ANKRD50: variants seen among roughly 807,000 people sequenced by gnomAD.
The protein encoded by ANKRD50 is ankyrin repeat domain-containing protein 50.
ANKRD50 carries 40 observed loss-of-function variants against 112.0 expected under a neutral mutation model. The observed-to-expected ratio is 0.36, with a 90% CI of 0.28 to 0.46. The LOEUF (loss-of-function observed/expected upper bound fraction) is 0.46, where lower values mean the gene tolerates loss of function less well. Ranked by LOEUF, ANKRD50 falls within the 20% of genes least tolerant of loss-of-function variation. ANKRD50 has a pLI of 1.00. For missense variants in ANKRD50, 1,487 were observed against 1,701.7 expected (o/e 0.87, Z 2.22); for synonymous variants, 613 against 619.1 (o/e 0.99, Z 0.15).
intron 2 of ANKRD50, among the ~76,000 whole-genome samples, chr4:124,696,333 GGACAGAGAAAA>G (rs1180685799): frequency 1.3e-5 from 2 of 151,762 alleles, no homozygotes; most frequent in Non-Finnish European, 2.9e-5. Flanking sequence ...CCAAAATGAA[GGACAGAGAAAA>G]GACAGAGAAA....
chr4:124,691,031 G>A (rs1420114212), intron 2 of ANKRD50, among the ~76,000 whole-genome samples: 1 of 151,996 alleles, frequency 6.6e-6, no homozygotes, highest in Non-Finnish European at 1.5e-5. Flanking sequence ...AATATCAGGA[G>A]GAACAATCAA....
At chr4:124,702,971 G>T (rs77335361) in intron 2 of ANKRD50, among the ~76,000 whole-genome samples, 6,171 of 152,060 alleles carry the variant, frequency 0.041, 184 homozygotes, top group East Asian at 0.11. Flanking sequence ...ATATTGATCA[G>T]AATGATAAGG....
intron 2 of ANKRD50, among the ~76,000 whole-genome samples, chr4:124,699,477 A>G (rs1398816294): frequency 4.6e-5 from 7 of 152,142 alleles, no homozygotes; most frequent in Admixed American, 6.5e-5. Context: ...CAACATATCA[A>G]TTGAGATTGA....
At position 124,691,468 on chromosome 4, in the gene ANKRD50, C is replaced by T. The variant is rs1036443301; in HGVS notation, c.513-12563G>A. Reference sequence around the variant, plus strand: ...GATTGCGCCACTGCAGTCCGCAGTCCGGCCTGGGCGACAGAGCGAGACTCC... The same window carrying T: ...GATTGCGCCACTGCAGTCCGCAGTCTGGCCTGGGCGACAGAGCGAGACTCC... On this transcript the variant is annotated intron_variant, in intron 2 of 4. Coordinates refer to ENST00000504087, the MANE Select transcript of ANKRD50 (RefSeq NM_020337.3). 3.4e-5 allele frequency among the ~76,000 whole-genome samples: 4 copies of T among 116,026 alleles called. No homozygotes were observed. The Admixed American group carries it at 3.8e-4, about 11-fold the overall frequency. 76.1% of individuals were successfully genotyped at this position (116,026 alleles called of 152,430 possible). A position where few individuals can be genotyped will look rare whatever the true frequency, so the allele number is the denominator to read the frequency against.
chr4:124,686,624 G>A (rs1038468058), intron 2 of ANKRD50, among the ~76,000 whole-genome samples: 1 of 152,078 alleles, frequency 6.6e-6, no homozygotes, highest in Non-Finnish European at 1.5e-5. Flanking sequence ...CTACAGCAAC[G>A]GGATGGGCAG....
chr4:124,671,657 C>T lies in ANKRD50; in HGVS notation c.1620G>A (p.Gln540=), dbSNP rs375387643. 1.9e-6 allele frequency: 3 copies of T among 1,613,736 alleles called. No individual in the cohort carries two copies. Among genetic ancestry groups the T allele is most frequent in the African/African-American group, 2.7e-5 (2 of 74,884 alleles). Residue 540 remains glutamine (Q), a synonymous_variant, in exon 4 of 5, where the codon CAG becomes CAA. Coordinates refer to ENST00000504087, the MANE Select transcript of ANKRD50 (RefSeq NM_020337.3). ...TLLDNGASVN[Q]CDSNGRTLLA... ...ATAATGTTCTCCCATTTGAATCACA[C>T]TGATTTACTGAAGCTCCATTATCTA...
At chr4:124,693,627 A>C (rs1338803624) in intron 2 of ANKRD50, among the ~76,000 whole-genome samples, 1 of 152,160 alleles carries the variant, frequency 6.6e-6, no homozygotes, top group Non-Finnish European at 1.5e-5. Context: ...CCTCCAATTT[A>C]ATGGTTTTCA....
At position 124,664,626 on chromosome 4, in the gene ANKRD50, G is replaced by GA. The variant is rs1429468317; in HGVS notation, c.*2891dup. 6.6e-6 allele frequency: 1 copy of GA among 152,206 alleles called. No homozygotes were observed. The highest frequency in any genetic ancestry group is 1.5e-5 in the Non-Finnish European group (1 of 67,858). The allele number at this position is 152,206 out of a possible 1,614,324, so 9.4% of individuals were successfully genotyped here. ...GCTATTTACATACCTCAAACCAAGG[G>GA]AAAAATAAAAAGAAAGCATTTGTTT... On this transcript the variant is annotated 3_prime_UTR_variant, in exon 5 of 5. Coordinates refer to ENST00000504087, the MANE Select transcript of ANKRD50 (RefSeq NM_020337.3).
At chr4:124,709,061 CCACA>C (rs112440315) in intron 2 of ANKRD50, among the ~76,000 whole-genome samples, 1 of 133,644 alleles carries the variant, frequency 7.5e-6, no homozygotes, top group African/African-American at 2.7e-5. Context: ...CAGAAGAGAG[CCACA>C]CACACACACA....
chr4:124,666,068 A>G lies in ANKRD50; in HGVS notation c.*1450T>C, dbSNP rs1035783064. Reference sequence around the variant, plus strand: ...CTCATCAACAGTACATGAAAAGAACAGAATTTCTGGGTTCTATAAGATTAA... The same window carrying G: ...CTCATCAACAGTACATGAAAAGAACGGAATTTCTGGGTTCTATAAGATTAA... On this transcript the variant is annotated 3_prime_UTR_variant, in exon 5 of 5. Coordinates refer to ENST00000504087, the MANE Select transcript of ANKRD50 (RefSeq NM_020337.3). 2 of 152,082 alleles carry G rather than the reference A, an allele frequency of 1.3e-5. No homozygotes were observed. The highest frequency in any genetic ancestry group is 4.8e-5 in the African/African-American group (2 of 41,434). 9.4% of individuals were successfully genotyped at this position (152,082 alleles called of 1,614,324 possible). A position where few individuals can be genotyped will look rare whatever the true frequency, so the allele number is the denominator to read the frequency against.
At chr4:124,695,583 T>C (rs1725233413) in intron 2 of ANKRD50, among the ~76,000 whole-genome samples, 1 of 152,168 alleles carries the variant, frequency 6.6e-6, no homozygotes, top group South Asian at 2.1e-4. Flanking sequence ...TCTCTCGTAG[T>C]ATCTTGGAAA....
intron 2 of ANKRD50, among the ~76,000 whole-genome samples, chr4:124,701,617 T>C (rs1477467207): frequency 6.6e-6 from 1 of 152,162 alleles, no homozygotes; most frequent in Non-Finnish European, 1.5e-5. Flanking sequence ...ATGAAAATTA[T>C]ACGGTCAAAG....
intron 2 of ANKRD50, among the ~76,000 whole-genome samples, chr4:124,704,529 C>G (rs17008497): frequency 0.013 from 1,956 of 152,324 alleles, 17 homozygotes; most frequent in South Asian, 0.032. Context: ...CTATACCAGT[C>G]TGGTCTGCAT....
Position 124,711,145 on chromosome 4 carries a change from C to G in ANKRD50, c.-634G>C, listed in dbSNP as rs894834885. 5.6e-6 allele frequency: 1 copy of G among 179,514 alleles called. No individual in the cohort carries two copies. The highest frequency in any genetic ancestry group is 1.2e-5 in the Non-Finnish European group (1 of 86,746). The allele number at this position is 179,514 out of a possible 1,614,324, so 11.1% of individuals were successfully genotyped here. A position where few individuals can be genotyped will look rare whatever the true frequency, so the allele number is the denominator to read the frequency against. Reference sequence around the variant, plus strand: ...GTCTCTTATGTGGCAGAAATGACAACCACTGTTAACACCTTCTTAATTCAA... The same window carrying G: ...GTCTCTTATGTGGCAGAAATGACAAGCACTGTTAACACCTTCTTAATTCAA... On this transcript the variant is annotated 5_prime_UTR_variant, in exon 2 of 5. Coordinates refer to ENST00000504087, the MANE Select transcript of ANKRD50 (RefSeq NM_020337.3).
chr4:124,671,529 G>C lies in ANKRD50; in HGVS notation c.1748C>G (p.Thr583Ser). Residue 583 changes from threonine to serine, a missense_variant, in exon 4 of 5, where the codon ACT (threonine) becomes AGT (serine). Physicochemically the swap from Thr to Ser is moderately conservative, Grantham distance 58. This residue lies in a region of ANKRD50 where 1,046 missense variants were observed against 1,269.5 expected (regional missense o/e 0.82). Coordinates refer to ENST00000504087, the MANE Select transcript of ANKRD50 (RefSeq NM_020337.3). Reference protein sequence around the residue: ...IEDAHGHTPLTLAARQGHTKV... With the variant: ...IEDAHGHTPLSLAARQGHTKV... ...GGTATGTCCCTGTCTAGCCGCTAGAGTGAGTGGTGTATGTCCATGAGCATC... is the reference window on the plus strand; with the variant it reads ...GGTATGTCCCTGTCTAGCCGCTAGACTGAGTGGTGTATGTCCATGAGCATC... 6.2e-7 allele frequency: 1 copy of C among 1,613,796 alleles called. No homozygotes were observed. The highest frequency in any genetic ancestry group is 8.5e-7 in the Non-Finnish European group (1 of 1,179,838).
In ANKRD50 at chr4:124,690,051, A is replaced by AT. The variant is rs376132586; in HGVS notation, c.513-11147dup. 5.7e-4 allele frequency among the ~76,000 whole-genome samples: 87 copies of AT among 152,098 alleles called. 4 individuals carry two copies. The highest frequency in any genetic ancestry group is 1.8e-3 in the African/African-American group (74 of 41,498). ...AAAGTACTAGATAAAAGGCTGTATG[A>AT]TTTTTTTTGGTTTGGGCTCAAGAAA... On this transcript the variant is annotated intron_variant, in intron 2 of 4. Coordinates refer to ENST00000504087, the MANE Select transcript of ANKRD50 (RefSeq NM_020337.3).
chr4:124,673,368 C>CT (rs1730703965), intron 3 of ANKRD50, among the ~76,000 whole-genome samples: 1 of 152,046 alleles, frequency 6.6e-6, no homozygotes, highest in African/African-American at 2.4e-5. Flanking sequence ...TACCAAGTCT[C>CT]TAACATGACC....
intron 4 of ANKRD50, 84 bp downstream of exon 4, chr4:124,668,900 T>C: frequency 8.0e-7 from 1 of 1,245,948 alleles, no homozygotes; most frequent in Admixed American, 2.6e-5. Context: ...CTGAGGGAAT[T>C]GGCCTTGTGA....
intron 3 of ANKRD50, 95 bp from the exon 4 acceptor site, chr4:124,672,629 CAATT>C (rs1308051065): frequency 3.5e-6 from 3 of 852,790 alleles, no homozygotes; most frequent in South Asian, 2.0e-5. Flanking sequence ...ATAAATAAAT[CAATT>C]AATAAATTAA....
Sources: gnomAD v4.1 joint callset for allele counts (sites outside exome capture counted in the v4.1 genomes callset) on GRCh38, gnomAD v4.1.1 for gene constraint, gnomAD v4.1.1 regional missense constraint, MANE v1.5 for transcripts, NCBI Gene and HGNC (gene_info 2026-07-23, HGNC 2026-07-21) for gene names.